DPP6: variants seen among roughly 807,000 people sequenced by gnomAD.
The protein encoded by DPP6 is A-type potassium channel modulatory protein DPP6.
In DPP6, 69 loss-of-function variants were observed where a neutral mutation model predicts 122.6. The observed-to-expected ratio is 0.56, with a 90% CI of 0.46 to 0.69. The LOEUF (loss-of-function observed/expected upper bound fraction) is 0.69, where lower values mean the gene tolerates loss of function less well. DPP6 is among the 30% of genes least tolerant of loss of function. DPP6 has a pLI of 0.00. For missense variants in DPP6, 928 were observed against 1,116.9 expected (o/e 0.83, Z 2.41); for synonymous variants, 418 against 433.1 (o/e 0.97, Z 0.43).
At chr7:154,436,709 A>C (rs144393011) in intron 1 of DPP6, among the ~76,000 whole-genome samples, 322 of 152,294 alleles carry the variant, frequency 2.1e-3, no homozygotes, top group African/African-American at 7.3e-3. Flanking sequence ...TCAGGTCTAG[A>C]AACAGAGGAC....
Position 153,967,036 on chromosome 7 carries a change from C to T in DPP6, c.51+79302C>T, listed in dbSNP as rs372121661. The stretch of plus-strand genomic sequence containing the variant: ...GTGCCCTGATGGTGCCACAGCACTC[C>T]GGTCTGAGTGACAGGGCAAGACCCT... On this transcript the variant is annotated intron_variant, in intron 1 of 25. Transcript: ENST00000404039. 1.1e-4 allele frequency among the ~76,000 whole-genome samples: 16 copies of T among 149,614 alleles called. 1 individual carries two copies. The East Asian group carries it at 1.4e-3, about 13-fold the overall frequency.
At chr7:153,911,239 T>C (rs1394718201) in intron 1 of DPP6, among the ~76,000 whole-genome samples, 1 of 152,190 alleles carries the variant, frequency 6.6e-6, no homozygotes, top group Non-Finnish European at 1.5e-5. Context: ...GTTGGCTTGC[T>C]CTTTGCAGAG....
chr7:154,880,607 C>G (rs1377217066), intron 20 of DPP6, among the ~76,000 whole-genome samples: 3 of 152,208 alleles, frequency 2.0e-5, no homozygotes, highest in Non-Finnish European at 2.9e-5. Flanking sequence ...CCAGAAGGGG[C>G]TCTGCGGCTG....
At chr7:154,408,285 G>T (rs984266609) in intron 1 of DPP6, among the ~76,000 whole-genome samples, 1 of 152,044 alleles carries the variant, frequency 6.6e-6, no homozygotes, top group East Asian at 1.9e-4. Flanking sequence ...ACAGTGTTTT[G>T]GTCTCAAGGA....
At chr7:154,553,089 T>C (rs1462285717) in intron 4 of DPP6, among the ~76,000 whole-genome samples, 10 of 152,194 alleles carry the variant, frequency 6.6e-5, no homozygotes, top group Non-Finnish European at 1.2e-4. Context: ...AAAATAACTG[T>C]AACCAATAAG....
chr7:154,639,219 C>T (rs968850055), intron 6 of DPP6, among the ~76,000 whole-genome samples: 2 of 152,184 alleles, frequency 1.3e-5, no homozygotes, highest in Non-Finnish European at 2.9e-5. Flanking sequence ...GGATCTTCAG[C>T]AAATTGTGAC....
intron 1 of DPP6, among the ~76,000 whole-genome samples, chr7:154,017,600 T>C (rs951537027): frequency 1.3e-5 from 2 of 151,470 alleles, no homozygotes; most frequent in African/African-American, 4.9e-5. Flanking sequence ...CTCAGGAGGC[T>C]GAGGCATGAA....
chr7:154,718,701 A>G (rs1841634763), intron 7 of DPP6, among the ~76,000 whole-genome samples: 1 of 139,826 alleles, frequency 7.2e-6, no homozygotes, highest in Non-Finnish European at 1.5e-5. Context: ...GTGCAGTGGC[A>G]TGAGCTCAGC....
intron 5 of DPP6, among the ~76,000 whole-genome samples, chr7:154,573,671 G>C (rs1831273266): frequency 6.6e-6 from 1 of 152,236 alleles, no homozygotes; most frequent in African/African-American, 2.4e-5. Flanking sequence ...ACTTCTCTGT[G>C]ACTCTTACTA....
intron 3 of DPP6, among the ~76,000 whole-genome samples, chr7:154,513,159 A>T (rs1198489705): frequency 1.3e-5 from 2 of 152,146 alleles, no homozygotes; most frequent in Non-Finnish European, 2.9e-5. Context: ...TTCTTCATAA[A>T]TGACTTATAG....
At chr7:154,300,130 T>G (rs1051292225) in intron 1 of DPP6, among the ~76,000 whole-genome samples, 32 of 151,572 alleles carry the variant, frequency 2.1e-4, no homozygotes, top group African/African-American at 5.1e-4. Context: ...CCCGTGGGAG[T>G]GGGAGGTAAA....
chr7:154,509,231 A>G (rs539085840), intron 3 of DPP6, among the ~76,000 whole-genome samples: 1 of 152,366 alleles, frequency 6.6e-6, no homozygotes, highest in Admixed American at 6.5e-5. Flanking sequence ...CAAATAATTT[A>G]CCTGTTGAGG....
chr7:154,751,982 G>A (rs1216475353), intron 8 of DPP6, among the ~76,000 whole-genome samples: 1 of 152,186 alleles, frequency 6.6e-6, no homozygotes, highest in Non-Finnish European at 1.5e-5. Context: ...GTGCAGGAAG[G>A]AGTTCAAGGT....
intron 21 of DPP6, chr7:154,884,293 T>A (rs140105180): frequency 7.9e-6 from 1 of 127,072 alleles, no homozygotes; most frequent in Non-Finnish European, 1.6e-5. Context: ...CTCACAAACA[T>A]GATTACATAC....
chr7:154,813,408 A>G (rs1799198278), intron 16 of DPP6, among the ~76,000 whole-genome samples: 1 of 152,102 alleles, frequency 6.6e-6, no homozygotes, highest in Admixed American at 6.6e-5. Flanking sequence ...GATTGTACAT[A>G]CAAACCCATA....
intron 1 of DPP6, among the ~76,000 whole-genome samples, chr7:154,293,950 C>T (rs909398300): frequency 1.3e-5 from 2 of 152,140 alleles, no homozygotes; most frequent in Non-Finnish European, 2.9e-5. Flanking sequence ...CCTTCCCTTA[C>T]GGAGCCCTCA....
At chr7:154,518,501 C>T (rs1826715699) in intron 3 of DPP6, among the ~76,000 whole-genome samples, 2 of 152,214 alleles carry the variant, frequency 1.3e-5, no homozygotes, top group Admixed American at 1.3e-4. Flanking sequence ...CAGCACTTGC[C>T]CTGCTGTGAT....
intron 1 of DPP6, among the ~76,000 whole-genome samples, chr7:154,244,185 C>A (rs1019734203): frequency 6.6e-6 from 1 of 152,030 alleles, no homozygotes; most frequent in South Asian, 2.1e-4. Flanking sequence ...TACAAGGAAA[C>A]AGTTCTAATT....
At chr7:154,124,626 T>G (rs1191661134) in intron 1 of DPP6, among the ~76,000 whole-genome samples, 1 of 152,244 alleles carries the variant, frequency 6.6e-6, no homozygotes, top group African/African-American at 2.4e-5. Flanking sequence ...ATATAGAATT[T>G]CCTGATGGAT....
Sources: allele counts gnomAD v4.1 joint callset (sites outside exome capture counted in the v4.1 genomes callset), GRCh38; gene constraint gnomAD v4.1.1; transcripts MANE v1.5; gene names NCBI Gene and HGNC (gene_info 2026-07-23, HGNC 2026-07-21).